HPGDS: variants seen among roughly 807,000 people sequenced by gnomAD.
HPGDS encodes the protein hematopoietic prostaglandin D synthase, also known as GST class-sigma.
A neutral mutation model predicts 23.1 loss-of-function variants in HPGDS; 26 were observed. That is an observed-to-expected ratio of 1.13 (90% CI 0.83 to 1.56). The LOEUF (loss-of-function observed/expected upper bound fraction) is 1.56, where lower values mean the gene tolerates loss of function less well. Among genes scored for constraint, HPGDS ranks in the 40% most tolerant of loss-of-function variants. HPGDS has a pLI of 0.00. For missense variants in HPGDS, 268 were observed against 236.4 expected (o/e 1.13, Z -0.88); for synonymous variants, 95 against 77.9 (o/e 1.22, Z -1.16).
intron 2 of HPGDS, chr4:94,334,123 C>A: frequency 6.2e-6 from 1 of 161,770 alleles, no homozygotes; most frequent in Admixed American, 6.3e-5. Context: ...TTAAACTGAC[C>A]TGGGTTTGAA....
chr4:94,323,533 T>A (rs1756561439), intron 2 of HPGDS, among the ~76,000 whole-genome samples: 1 of 152,200 alleles, frequency 6.6e-6, no homozygotes, highest in Non-Finnish European at 1.5e-5. Context: ...TCTTTATCTC[T>A]TTTGATTTAA....
At chr4:94,333,488 C>A (rs1338189902) in intron 2 of HPGDS, among the ~76,000 whole-genome samples, 1 of 152,218 alleles carries the variant, frequency 6.6e-6, no homozygotes, top group Non-Finnish European at 1.5e-5. Flanking sequence ...GAAACCTAAT[C>A]TTTGACAACT....
At chr4:94,332,895 T>C (rs1237935576) in intron 2 of HPGDS, among the ~76,000 whole-genome samples, 2 of 152,234 alleles carry the variant, frequency 1.3e-5, no homozygotes, top group African/African-American at 4.8e-5. Flanking sequence ...TCCAGAATTG[T>C]GTGCTATCAT....
chr4:94,301,141 T>C (rs2126034038), intron 5 of HPGDS, among the ~76,000 whole-genome samples: 1 of 152,144 alleles, frequency 6.6e-6, no homozygotes, highest in East Asian at 1.9e-4. Context: ...ATGTGGCAAA[T>C]GTAGTTCTGT....
At chr4:94,302,441 T>C (rs559858661) in intron 4 of HPGDS, among the ~76,000 whole-genome samples, 197 bp from the exon 5 acceptor site, 1 of 152,246 alleles carries the variant, frequency 6.6e-6, no homozygotes, top group South Asian at 2.1e-4. Flanking sequence ...TCTTTATTGC[T>C]CATGGATTAA....
chr4:94,316,040 TA>T (rs1271294396), intron 3 of HPGDS, among the ~76,000 whole-genome samples: 1 of 152,198 alleles, frequency 6.6e-6, no homozygotes, highest in African/African-American at 2.4e-5. Flanking sequence ...CTCCTTTTTT[TA>T]CCCAACAAAT....
chr4:94,324,157 G>T (rs1756579440), intron 2 of HPGDS, among the ~76,000 whole-genome samples: 1 of 152,134 alleles, frequency 6.6e-6, no homozygotes, highest in African/African-American at 2.4e-5. Flanking sequence ...TTCCCTTTGT[G>T]GGTAACCTGA....
chr4:94,340,312 T>TTTTTC lies in HPGDS; in HGVS notation c.-10+2482_-10+2483insGAAAA, dbSNP rs1721129622. 6.0e-4 allele frequency among the ~76,000 whole-genome samples: 4 copies of TTTTTC among 6,684 alleles called. 1 individual carries two copies. The highest frequency in any genetic ancestry group is 9.7e-4 in the Non-Finnish European group (3 of 3,102). 4.4% of individuals were successfully genotyped at this position (6,684 alleles called of 152,430 possible). ...TTCTTTCTTTCTTTCTTTCTTTCTC[T>TTTTTC]TTTTTTTTTTTTTTTTTTTTTTTTT... On this transcript the variant is annotated intron_variant, in intron 1 of 5. Transcript: ENST00000295256.
intron 4 of HPGDS, among the ~76,000 whole-genome samples, chr4:94,307,952 C>T (rs1182124813): frequency 6.6e-6 from 1 of 152,066 alleles, no homozygotes; most frequent in Admixed American, 6.6e-5. Flanking sequence ...GAAAGGATGA[C>T]TATGTAAGAG....
chr4:94,341,154 A>G (rs1199886106), intron 1 of HPGDS, among the ~76,000 whole-genome samples: 2 of 152,056 alleles, frequency 1.3e-5, no homozygotes. Flanking sequence ...TTTTCTTTAT[A>G]AATTACCCAG....
At chr4:94,322,463 A>T (rs2126041807) in intron 2 of HPGDS, among the ~76,000 whole-genome samples, 1 of 152,270 alleles carries the variant, frequency 6.6e-6, no homozygotes, top group East Asian at 1.9e-4. Flanking sequence ...CTATTCAGGG[A>T]TTCAACTTCT....
intron 1 of HPGDS, among the ~76,000 whole-genome samples, chr4:94,342,055 A>G (rs1721183787): frequency 6.6e-6 from 1 of 152,222 alleles, no homozygotes; most frequent in African/African-American, 2.4e-5. Context: ...ATAGAGAAAT[A>G]GAAGAATTGT....
At chr4:94,309,107 G>A (rs994841284) in intron 3 of HPGDS, among the ~76,000 whole-genome samples, 44 of 123,652 alleles carry the variant, frequency 3.6e-4, no homozygotes, top group African/African-American at 1.2e-3. Context: ...AGGTAGATGC[G>A]CCACAATTTA....
In HPGDS at chr4:94,323,838, G is replaced by A. The variant is rs146399505; in HGVS notation, c.134-5873C>T. On this transcript the variant is annotated intron_variant, in intron 2 of 5. Transcript: ENST00000295256. ...CTGGTTATTTTGCCCATTAGTTGAT[G>A]CAGTTTCTTCCTTGCATTGATGGTC... 3.2e-3 allele frequency among the ~76,000 whole-genome samples: 482 copies of A among 152,248 alleles called. 1 individual carries two copies. Among genetic ancestry groups the A allele is most frequent in the African/African-American group, 0.01 (416 of 41,556 alleles).
intron 1 of HPGDS, among the ~76,000 whole-genome samples, chr4:94,340,874 T>C: frequency 7.4e-6 from 1 of 134,694 alleles, no homozygotes; most frequent in Non-Finnish European, 1.6e-5. Context: ...AGACGGAGTC[T>C]TGCTCTGTCG....
chr4:94,340,297 C>CTT (rs756285763), intron 1 of HPGDS, among the ~76,000 whole-genome samples: 3 of 37,440 alleles, frequency 8.0e-5, no homozygotes, highest in Non-Finnish European at 1.3e-4. Flanking sequence ...TTCTTTCTTT[C>CTT]TTTCTTTCTT....
At chr4:94,303,199 C>T (rs1329352648) in intron 4 of HPGDS, among the ~76,000 whole-genome samples, 1 of 152,034 alleles carries the variant, frequency 6.6e-6, no homozygotes, top group Non-Finnish European at 1.5e-5. Context: ...AACATAATGC[C>T]TTATATTTAG....
intron 2 of HPGDS, among the ~76,000 whole-genome samples, chr4:94,327,476 C>G (rs1423799416): frequency 2.0e-5 from 3 of 152,088 alleles, no homozygotes; most frequent in African/African-American, 7.2e-5. Flanking sequence ...GGCTGGTCCT[C>G]AGGCATGCAG....
chr4:94,340,939 G>T (rs1398165806), intron 1 of HPGDS, among the ~76,000 whole-genome samples: 1 of 148,646 alleles, frequency 6.7e-6, no homozygotes, highest in Non-Finnish European at 1.5e-5. Flanking sequence ...CCGCCTCCCG[G>T]GTTCAAGCGA....
Sources: gnomAD v4.1 joint callset for allele counts (sites outside exome capture counted in the v4.1 genomes callset) on GRCh38, gnomAD v4.1.1 for gene constraint, MANE v1.5 for transcripts, NCBI Gene and HGNC (gene_info 2026-07-23, HGNC 2026-07-21) for gene names.